Variants in SERPINB8 observed in about 807,000 individuals in gnomAD.
SERPINB8 encodes serpin B8.
In SERPINB8, 25 loss-of-function variants were observed where a neutral mutation model predicts 35.3. The ratio of observed to expected loss-of-function variants is 0.71; its 90% CI spans 0.52 to 0.99. The LOEUF (loss-of-function observed/expected upper bound fraction) is 0.99, where lower values mean the gene tolerates loss of function less well. Ranked by LOEUF, SERPINB8 falls within the 50% of genes least tolerant of loss-of-function variation. The probability of loss-of-function intolerance (pLI) is 0.00; values close to 1 mark genes in which losing one functional copy is unlikely to be tolerated. For synonymous variants in SERPINB8, 186 were observed against 160.8 expected, an observed-to-expected ratio of 1.16 and a Z score of -1.19; for missense variants, 484 against 446.5, an observed-to-expected ratio of 1.08 and a Z score of -0.76.
At chr18:63,992,616 T>C (rs1450986556), downstream of SERPINB8, among the ~76,000 whole-genome samples, 4 of 152,240 alleles carry the variant, frequency 2.6e-5, no homozygotes, top group Non-Finnish European at 5.9e-5. Context: ...CTCTGATCTT[T>C]ATTATTTCCT....
chr18:63,976,875 T>C (rs1449233880), intron 1 of SERPINB8, among the ~76,000 whole-genome samples: 1 of 152,044 alleles, frequency 6.6e-6, no homozygotes, highest in Non-Finnish European at 1.5e-5. Flanking sequence ...TTGGGGAAAA[T>C]GGGGCATCTT....
chr18:64,004,138 T>C (rs1225753413), intron 1 of SERPINB8, among the ~76,000 whole-genome samples: 1 of 114,432 alleles, frequency 8.7e-6, no homozygotes, highest in Admixed American at 1.0e-4. Context: ...GAGAAAACTG[T>C]TTTGCCTATA....
intron 1 of SERPINB8, among the ~76,000 whole-genome samples, chr18:64,001,886 A>G (rs535168218): frequency 3.3e-5 from 5 of 152,244 alleles, no homozygotes; most frequent in Admixed American, 3.3e-4. Flanking sequence ...AAGGGCATCT[A>G]CTGGGGGACA....
chr18:64,018,761 C>T (rs540189972), intron 7 of SERPINB8: 5 of 152,282 alleles, frequency 3.3e-5, no homozygotes, highest in African/African-American at 1.2e-4. Context: ...TTTATGAAAG[C>T]GTTCCAACGT....
At chr18:64,018,014 G>A (rs2050958565) in intron 7 of SERPINB8, among the ~76,000 whole-genome samples, 1 of 152,148 alleles carries the variant, frequency 6.6e-6, no homozygotes, top group African/African-American at 2.4e-5. Context: ...TCTTTCAGAA[G>A]TTCAAAAACA....
chr18:63,970,209 G>T, intron 1 of SERPINB8, 39 bp downstream of exon 1: 1 of 256,786 alleles, frequency 3.9e-6, no homozygotes, highest in Non-Finnish European at 7.7e-6. Context: ...GGCAGGCACG[G>T]AGGTGCCCAG....
rs906415080 is a variant in SERPINB8 at position 63,986,496 on chromosome 18, T to C, written c.721-378T>C. ...GCAGAGTTCTGAGCCATGCTCTTTG[T>C]CTTTTGTCAAACAATCTCTCCCACT... On this transcript the variant is annotated intron_variant, in intron 6 of 6. Transcript: ENST00000397985. 4 of 1,352,212 alleles carry C rather than the reference T, an allele frequency of 3.0e-6. No homozygotes were observed. The African/African-American group carries it at 4.5e-5, about 15-fold the overall frequency. 83.8% of individuals were successfully genotyped at this position (1,352,212 alleles called of 1,614,324 possible). A position where few individuals can be genotyped will look rare whatever the true frequency, so the allele number is the denominator to read the frequency against.
At chr18:64,000,574 G>A (rs562221867) in intron 1 of SERPINB8, among the ~76,000 whole-genome samples, 1 of 152,176 alleles carries the variant, frequency 6.6e-6, no homozygotes, top group East Asian at 1.9e-4. Context: ...GACCCCCTGG[G>A]CCAGCCATGC....
chr18:63,984,952 C>T, intron 5 of SERPINB8, 141 bp from the exon 6 acceptor site: 1 of 720,248 alleles, frequency 1.4e-6, no homozygotes, highest in South Asian at 2.1e-5. Flanking sequence ...CTAAGATGTA[C>T]TAATGAAGAT....
At position 63,987,279 on chromosome 18, in the gene SERPINB8, AGAGGAGCAATT is replaced by A. The variant is rs768842801; in HGVS notation, c.*3_*13del. The A allele has an allele frequency of 1.4e-5, 22 of 1,608,662 alleles. No individual in the cohort carries two copies. In the Admixed American group the frequency reaches 3.7e-4, roughly 27 times the overall value. On this transcript the variant is annotated 3_prime_UTR_variant, in exon 7 of 7. Coordinates refer to ENST00000397985, the MANE Select transcript of SERPINB8 (RefSeq NM_002640.4). ...CTGTGGCAGGTTCTCTTCTCCGTAA[AGAGGAGCAATT>A]GCTGTACATACCCTCCTTTCCTTCT...
At chr18:64,019,185 T>G (rs1469801863) in exon 8 of SERPINB8, 1 of 152,274 alleles carries the variant, frequency 6.6e-6, no homozygotes, top group Non-Finnish European at 1.5e-5. Flanking sequence ...ATTTACCTCC[T>G]GTGATTCCAG....
chr18:63,988,872 C>T lies in SERPINB8; in HGVS notation c.*1594C>T, dbSNP rs1026157616. The T allele has an allele frequency of 1.3e-5, 2 of 152,180 alleles. No individual in the cohort carries two copies. Among genetic ancestry groups the T allele is most frequent in the African/African-American group, 4.8e-5 (2 of 41,440 alleles). The allele number at this position is 152,180 out of a possible 1,614,324, so 9.4% of individuals were successfully genotyped here. A position where few individuals can be genotyped will look rare whatever the true frequency, so the allele number is the denominator to read the frequency against. On this transcript the variant is annotated 3_prime_UTR_variant, in exon 7 of 7. Transcript: ENST00000397985. ...TCACTTCCACCTCTAATTTGAAGAA[C>T]ACTTTAATTGACACAGAATACATTT...
In SERPINB8 at chr18:63,981,701, T is replaced by G. The variant is rs2050673492; in HGVS notation, c.307-20T>G. ...GAACCTTTACCAAATGAGACTAAAC[T>G]CAGTGTTTTGTGTTTGCAGGACTTT... On this transcript the variant is annotated intron_variant, in intron 3 of 6. Transcript: ENST00000397985. 4.0e-6 allele frequency: 6 copies of G among 1,511,398 alleles called. No individual in the cohort carries two copies. Among genetic ancestry groups the G allele is most frequent in the Non-Finnish European group, 4.6e-6 (5 of 1,093,570 alleles). 93.6% of individuals were successfully genotyped at this position (1,511,398 alleles called of 1,614,324 possible).
chr18:64,018,901 T>G (rs1599175581), intron 7 of SERPINB8: 1 of 152,228 alleles, frequency 6.6e-6, no homozygotes, highest in Admixed American at 6.5e-5. Flanking sequence ...GTCTCTCATT[T>G]TTTTTTAGTT....
At chr18:63,980,028 A>T in intron 3 of SERPINB8, 90 bp downstream of exon 3, 1 of 1,300,522 alleles carries the variant, frequency 7.7e-7, no homozygotes, top group Non-Finnish European at 1.1e-6. Flanking sequence ...GTACTGACTT[A>T]AAACGTGCTT....
At chr18:63,995,934 G>A (rs1217992919) in intron 1 of SERPINB8, among the ~76,000 whole-genome samples, 1 of 152,182 alleles carries the variant, frequency 6.6e-6, no homozygotes, top group Non-Finnish European at 1.5e-5. Context: ...ACCATGTGTG[G>A]GGAAACAGGA....
downstream of SERPINB8, among the ~76,000 whole-genome samples, chr18:64,007,555 A>G (rs1438805550): frequency 2.6e-5 from 4 of 152,230 alleles, no homozygotes; most frequent in African/African-American, 9.6e-5. Flanking sequence ...CTGGCAATTT[A>G]TAAAGAAAAG....
chr18:63,980,025 C>T, intron 3 of SERPINB8, 87 bp downstream of exon 3: 1 of 1,317,398 alleles, frequency 7.6e-7, no homozygotes. Flanking sequence ...ACTGTACTGA[C>T]TTAAAACGTG....
At chr18:64,008,716 T>C (rs144664240), downstream of SERPINB8, among the ~76,000 whole-genome samples, 314 of 152,308 alleles carry the variant, frequency 2.1e-3, 2 homozygotes, top group African/African-American at 7.2e-3. Flanking sequence ...TATAATTATT[T>C]AAAATTTAAG....
Sources: allele counts gnomAD v4.1 joint callset (sites outside exome capture counted in the v4.1 genomes callset), GRCh38; gene constraint gnomAD v4.1.1; transcripts MANE v1.5; gene names NCBI Gene and HGNC (gene_info 2026-07-23, HGNC 2026-07-21).